Variants in DNAI7 observed in about 807,000 individuals in gnomAD.
DNAI7 encodes the protein cancer susceptibility 1.
DNAI7 carries 78 observed loss-of-function variants against 86.6 expected under a neutral mutation model. The observed-to-expected ratio is 0.90, with a 90% CI of 0.75 to 1.09. DNAI7 has a LOEUF of 1.09. Among genes scored for constraint, DNAI7 ranks in the 50% least tolerant of loss-of-function variants. DNAI7 has a pLI of 0.00. For synonymous variants in DNAI7, 274 were observed against 273.0 expected, an observed-to-expected ratio of 1.00 and a Z score of -0.04; for missense variants, 753 against 810.2, an observed-to-expected ratio of 0.93 and a Z score of 0.86.
In DNAI7 at chr12:25,184,696, C is replaced by T. The variant is rs183130823; in HGVS notation, c.21+5918G>A. On this transcript the variant is annotated intron_variant, in intron 2 of 15. Transcript: ENST00000395987. ...TTTATTCCACCTTTATTTTTGAAAA[C>T]TTATTTTAGCTGGTACAGAATTCTA... Among the ~76,000 whole-genome samples the T allele has an allele frequency of 2.0e-5, 3 of 152,174 alleles. No homozygotes were observed. In the East Asian group the frequency reaches 5.8e-4, roughly 29 times the overall value.
intron 2 of DNAI7, among the ~76,000 whole-genome samples, chr12:25,183,239 G>T (rs1291696455): frequency 6.6e-6 from 1 of 151,928 alleles, no homozygotes; most frequent in Non-Finnish European, 1.5e-5. Flanking sequence ...AAAGAGGGGA[G>T]GGAGCGGGGA....
chr12:25,133,646 T>C (rs1009091536), intron 9 of DNAI7, among the ~76,000 whole-genome samples: 18 of 152,238 alleles, frequency 1.2e-4, no homozygotes, highest in African/African-American at 4.1e-4. Flanking sequence ...GCATTATTCA[T>C]ATTAGCATTT....
At chr12:25,187,814 T>C (rs916697765) in intron 2 of DNAI7, among the ~76,000 whole-genome samples, 4 of 152,054 alleles carry the variant, frequency 2.6e-5, no homozygotes, top group Admixed American at 6.6e-5. Context: ...AAAAAGGAAA[T>C]AATGCCTAAG....
intron 1 of DNAI7, among the ~76,000 whole-genome samples, chr12:25,191,769 T>C (rs1950542511): frequency 6.6e-6 from 1 of 152,170 alleles, no homozygotes; most frequent in Non-Finnish European, 1.5e-5. Context: ...TTCAGCAATG[T>C]GTTTTAAGGC....
intron 2 of DNAI7, among the ~76,000 whole-genome samples, chr12:25,167,062 A>T (rs1265058994): frequency 6.6e-6 from 1 of 151,812 alleles, no homozygotes. Context: ...TCCACCTGAC[A>T]TTCACCCCAT....
intron 13 of DNAI7, among the ~76,000 whole-genome samples, chr12:25,112,822 T>C (rs940318984): frequency 6.6e-6 from 1 of 152,234 alleles, no homozygotes; most frequent in Non-Finnish European, 1.5e-5. Context: ...TTTTTCTTCA[T>C]ACCAAGAACT....
At chr12:25,123,337 C>A in intron 9 of DNAI7, 51 bp from the exon 10 acceptor site, 1 of 1,231,464 alleles carries the variant, frequency 8.1e-7, no homozygotes, top group Non-Finnish European at 1.1e-6. Context: ...CTACATAGTA[C>A]AGTCATTGTC....
intron 13 of DNAI7, among the ~76,000 whole-genome samples, chr12:25,113,366 A>G (rs1939382572): frequency 6.6e-6 from 1 of 152,042 alleles, no homozygotes; most frequent in South Asian, 2.1e-4. Flanking sequence ...CAGTGGCACA[A>G]TCTTGGCTCA....
intron 12 of DNAI7, 22 bp downstream of exon 12, chr12:25,119,123 T>G (rs1192962260): frequency 6.4e-7 from 1 of 1,561,456 alleles, no homozygotes; most frequent in African/African-American, 1.4e-5. Context: ...CTCCTTTTAT[T>G]ACATAATTAT....
chr12:25,116,504 T>A (rs1940131340), intron 12 of DNAI7, among the ~76,000 whole-genome samples: 1 of 101,490 alleles, frequency 9.9e-6, no homozygotes, highest in Admixed American at 1.3e-4. Context: ...TAATTTCATG[T>A]GAATAATTTT....
chr12:25,135,095 T>A (rs1178300804), intron 9 of DNAI7, among the ~76,000 whole-genome samples: 5 of 152,020 alleles, frequency 3.3e-5, no homozygotes, highest in African/African-American at 1.2e-4. Context: ...ATTCACAGAC[T>A]CTGAAAGAAG....
chr12:25,139,001 T>C (rs1013557143), intron 9 of DNAI7, among the ~76,000 whole-genome samples: 2 of 151,604 alleles, frequency 1.3e-5, no homozygotes, highest in African/African-American at 4.8e-5. Context: ...TCAAATAAAC[T>C]CAATTAGAAA....
intron 9 of DNAI7, among the ~76,000 whole-genome samples, chr12:25,130,003 C>A (rs1263049204): frequency 6.6e-6 from 1 of 151,894 alleles, no homozygotes; most frequent in African/African-American, 2.4e-5. Flanking sequence ...CTCAGGTGAT[C>A]CCCCTGCCTC....
intron 2 of DNAI7, among the ~76,000 whole-genome samples, chr12:25,187,480 C>A (rs1168647075): frequency 6.6e-6 from 1 of 152,180 alleles, no homozygotes; most frequent in African/African-American, 2.4e-5. Flanking sequence ...TTCCCACCCT[C>A]AAGTTGAATG....
chr12:25,135,484 G>C (rs577234047), intron 9 of DNAI7, among the ~76,000 whole-genome samples: 1 of 152,302 alleles, frequency 6.6e-6, no homozygotes, highest in Non-Finnish European at 1.5e-5. Flanking sequence ...TCCGGGAACA[G>C]GGGATGGGGG....
intron 1 of DNAI7, chr12:25,194,870 G>C (rs376896837): frequency 6.2e-7 from 1 of 1,613,032 alleles, no homozygotes; most frequent in African/African-American, 1.3e-5. Flanking sequence ...TGCAGAAACT[G>C]GTTTGGGACT....
downstream of DNAI7, among the ~76,000 whole-genome samples, chr12:25,107,253 C>A (rs1174167497): frequency 1.3e-5 from 2 of 152,158 alleles, no homozygotes; most frequent in African/African-American, 4.8e-5. Context: ...ATAACTTTTA[C>A]TGTAATATAT....
At chr12:25,194,552 T>C (rs1950859170) in intron 1 of DNAI7, among the ~76,000 whole-genome samples, 1 of 152,164 alleles carries the variant, frequency 6.6e-6, no homozygotes, top group Non-Finnish European at 1.5e-5. Context: ...AACATGGCAG[T>C]TGAGGAGTGC....
chr12:25,171,018 A>G (rs901853714), intron 2 of DNAI7, among the ~76,000 whole-genome samples: 6 of 152,190 alleles, frequency 3.9e-5, no homozygotes, highest in Admixed American at 3.9e-4. Flanking sequence ...GCCTACATCA[A>G]AAAATCTGAA....
Sources: allele counts gnomAD v4.1 joint callset (sites outside exome capture counted in the v4.1 genomes callset), GRCh38; gene constraint gnomAD v4.1.1; transcripts MANE v1.5; gene names NCBI Gene and HGNC (gene_info 2026-07-23, HGNC 2026-07-21).